ZNF385D: variants seen among roughly 807,000 people sequenced by gnomAD.
ZNF385D encodes zinc finger protein 659.
A neutral mutation model predicts 35.8 loss-of-function variants in ZNF385D; 15 were observed. The observed-to-expected ratio is 0.42, with a 90% CI of 0.28 to 0.64. The LOEUF is 0.64. ZNF385D is among the 30% of genes least tolerant of loss of function. The pLI, the probability that ZNF385D is intolerant of heterozygous loss-of-function variation, is 0.23. For missense variants in ZNF385D, 474 were observed against 494.6 expected (o/e 0.96, Z 0.39); for synonymous variants, 212 against 186.8 (o/e 1.13, Z -1.10).
chr3:21,796,057 TC>T (rs968519441), intron 3 of ZNF385D, among the ~76,000 whole-genome samples: 2 of 152,232 alleles, frequency 1.3e-5, no homozygotes, highest in Non-Finnish European at 2.9e-5. Flanking sequence ...CAGTTTCTTC[TC>T]CCACTTGGCA....
chr3:21,634,965 A>G (rs1218661395), intron 2 of ZNF385D, among the ~76,000 whole-genome samples: 1 of 152,116 alleles, frequency 6.6e-6, no homozygotes, highest in Non-Finnish European at 1.5e-5. Context: ...TCATAATTTT[A>G]ATAGGAACAA....
At chr3:22,286,193 T>TA (rs1354232938) in intron 2 of ZNF385D, among the ~76,000 whole-genome samples, 17 of 152,158 alleles carry the variant, frequency 1.1e-4, no homozygotes, top group Admixed American at 9.8e-4. Context: ...ATTTTGGGTT[T>TA]AATATTTAAA....
At chr3:21,567,489 T>C (rs1282120439) in intron 2 of ZNF385D, among the ~76,000 whole-genome samples, 2 of 152,106 alleles carry the variant, frequency 1.3e-5, no homozygotes, top group Non-Finnish European at 1.5e-5. Context: ...CCTCATTCTG[T>C]TCTCTAGGAT....
chr3:22,257,047 A>G (rs980556021), intron 2 of ZNF385D, among the ~76,000 whole-genome samples: 1 of 151,912 alleles, frequency 6.6e-6, no homozygotes, highest in Non-Finnish European at 1.5e-5. Context: ...TGGAGAAGAT[A>G]AAAAGAAGAA....
At chr3:21,492,247 A>G (rs1221631355) in intron 4 of ZNF385D, among the ~76,000 whole-genome samples, 1 of 152,148 alleles carries the variant, frequency 6.6e-6, no homozygotes, top group Non-Finnish European at 1.5e-5. Context: ...AATGACAAAT[A>G]TTCTTAAAAA....
intron 3 of ZNF385D, among the ~76,000 whole-genome samples, chr3:22,159,726 T>G (rs181061965): frequency 3.3e-5 from 5 of 152,256 alleles, no homozygotes; most frequent in Non-Finnish European, 7.4e-5. Context: ...TTCTACATTT[T>G]TATCCTTCAA....
In ZNF385D at chr3:21,800,306, G is replaced by A. The variant is rs960980397; in HGVS notation, c.326-135278C>T. 3.3e-5 allele frequency among the ~76,000 whole-genome samples: 5 copies of A among 152,136 alleles called. No homozygotes were observed. The South Asian group carries it at 1.0e-3, about 31-fold the overall frequency. On this transcript the variant is annotated intron_variant, in intron 3 of 5. Transcript: ENST00000494108. ...TGTTTATTGGGCTTTTGATAGGGATGGCATTGAATCTTTAGATTGCCTTGG... is the reference window on the plus strand; with the variant it reads ...TGTTTATTGGGCTTTTGATAGGGATAGCATTGAATCTTTAGATTGCCTTGG...
chr3:21,527,452 T>A (rs535985337), intron 3 of ZNF385D, among the ~76,000 whole-genome samples: 1 of 152,268 alleles, frequency 6.6e-6, no homozygotes, highest in Admixed American at 6.5e-5. Context: ...CCAGTATGAA[T>A]TTTTTTCTAC....
intron 3 of ZNF385D, among the ~76,000 whole-genome samples, chr3:22,031,170 G>A (rs1335734158): frequency 6.6e-6 from 1 of 152,224 alleles, no homozygotes; most frequent in Admixed American, 6.5e-5. Flanking sequence ...CAAGTGCAAG[G>A]TGAAAGCTGT....
intron 1 of ZNF385D, among the ~76,000 whole-genome samples, chr3:21,666,845 A>C (rs2066422792): frequency 6.6e-6 from 1 of 152,308 alleles, no homozygotes; most frequent in South Asian, 2.1e-4. Flanking sequence ...TGGAAGGTCA[A>C]GGCGGATGGA....
At chr3:22,228,642 T>C (rs974140878) in intron 2 of ZNF385D, among the ~76,000 whole-genome samples, 2 of 152,164 alleles carry the variant, frequency 1.3e-5, no homozygotes, top group African/African-American at 4.8e-5. Flanking sequence ...GGTTTGAAGG[T>C]TGCAAAGTAT....
intron 2 of ZNF385D, among the ~76,000 whole-genome samples, chr3:21,601,285 A>G (rs1178028859): frequency 6.6e-6 from 1 of 152,234 alleles, no homozygotes; most frequent in East Asian, 1.9e-4. Flanking sequence ...ACCATAGGCC[A>G]GGACAGATCT....
At chr3:21,507,131 CTT>C (rs1706828066) in intron 4 of ZNF385D, among the ~76,000 whole-genome samples, 2 of 152,052 alleles carry the variant, frequency 1.3e-5, no homozygotes, top group South Asian at 4.1e-4. Flanking sequence ...TCAAAATTGT[CTT>C]TATATCAGTC....
At chr3:21,623,947 T>G (rs1238840916) in intron 2 of ZNF385D, among the ~76,000 whole-genome samples, 1 of 152,106 alleles carries the variant, frequency 6.6e-6, no homozygotes, top group Admixed American at 6.6e-5. Context: ...CACAAATATG[T>G]TAAAATAATC....
chr3:21,982,802 G>A (rs1209362062), intron 3 of ZNF385D, among the ~76,000 whole-genome samples: 1 of 125,032 alleles, frequency 8.0e-6, no homozygotes, highest in Non-Finnish European at 1.7e-5. Context: ...AAGGGCTGTT[G>A]AATTTTATTG....
chr3:21,522,721 G>A (rs1421271683), intron 3 of ZNF385D, among the ~76,000 whole-genome samples: 1 of 152,144 alleles, frequency 6.6e-6, no homozygotes, highest in Non-Finnish European at 1.5e-5. Flanking sequence ...GCTGGGAAGG[G>A]ACAGTGGCAA....
At chr3:22,099,266 T>C (rs1701798658) in intron 3 of ZNF385D, among the ~76,000 whole-genome samples, 2 of 152,082 alleles carry the variant, frequency 1.3e-5, no homozygotes, top group Admixed American at 6.6e-5. Flanking sequence ...CATATATAAA[T>C]ACATCTATAT....
At chr3:21,887,463 A>C (rs1333488810) in intron 3 of ZNF385D, among the ~76,000 whole-genome samples, 2 of 152,202 alleles carry the variant, frequency 1.3e-5, no homozygotes, top group Non-Finnish European at 2.9e-5. Context: ...TAAGTCTAGC[A>C]GATGGTAAAT....
chr3:22,154,163 T>C (rs1272847749), intron 3 of ZNF385D, among the ~76,000 whole-genome samples: 1 of 152,162 alleles, frequency 6.6e-6, no homozygotes, highest in Admixed American at 6.6e-5. Context: ...GTGTGGTTGT[T>C]TGGGTGCCCA....
Sources: gnomAD v4.1 joint callset for allele counts (sites outside exome capture counted in the v4.1 genomes callset) on GRCh38, gnomAD v4.1.1 for gene constraint, MANE v1.5 for transcripts, NCBI Gene and HGNC (gene_info 2026-07-23, HGNC 2026-07-21) for gene names.